ADARB2: variants seen among roughly 807,000 people sequenced by gnomAD.
ADARB2 encodes the protein inactive double-stranded RNA-specific editase B2.
ADARB2 carries 25 observed loss-of-function variants against 62.2 expected under a neutral mutation model. The observed-to-expected ratio is 0.40, with a 90% CI of 0.29 to 0.56. The LOEUF (loss-of-function observed/expected upper bound fraction) is 0.56, where lower values mean the gene tolerates loss of function less well. ADARB2 is among the 20% of genes least tolerant of loss of function. The pLI, the probability that ADARB2 is intolerant of heterozygous loss-of-function variation, is 0.43. For synonymous variants in ADARB2, 572 were observed against 500.8 expected (o/e 1.14, Z -1.90); for missense variants, 1,071 against 1,077.4 (o/e 0.99, Z 0.08).
At chr10:1,520,403 T>C (rs1198673762) in intron 1 of ADARB2, among the ~76,000 whole-genome samples, 5 of 152,244 alleles carry the variant, frequency 3.3e-5, no homozygotes, top group African/African-American at 2.4e-5. Flanking sequence ...CTTTTCACTT[T>C]CATTTTTAAT....
chr10:1,397,854 C>T (rs1832628293), intron 1 of ADARB2, among the ~76,000 whole-genome samples: 1 of 110,012 alleles, frequency 9.1e-6, no homozygotes, highest in Non-Finnish European at 1.9e-5. Flanking sequence ...CTCTCCCCTC[C>T]CGAGTGGAGG....
At chr10:1,289,789 G>T (rs1244502508) in intron 3 of ADARB2, among the ~76,000 whole-genome samples, 1 of 152,374 alleles carries the variant, frequency 6.6e-6, no homozygotes, top group Non-Finnish European at 1.5e-5. Context: ...TCCACGGTGG[G>T]TGTGCCACAG....
chr10:1,459,302 C>T (rs546885415), intron 1 of ADARB2, among the ~76,000 whole-genome samples: 9 of 152,340 alleles, frequency 5.9e-5, no homozygotes, highest in African/African-American at 1.4e-4. Flanking sequence ...AGACTGGATA[C>T]GGAACATGTG....
At chr10:1,445,730 T>C (rs1437562842) in intron 1 of ADARB2, among the ~76,000 whole-genome samples, 3 of 152,132 alleles carry the variant, frequency 2.0e-5, no homozygotes, top group Non-Finnish European at 4.4e-5. Context: ...ATAAGAACAG[T>C]AGTGGTCAAA....
At position 1,559,045 on chromosome 10, in the gene ADARB2, G is replaced by A. The variant is rs373446128; in HGVS notation, c.100+178006C>T. 5.3e-5 allele frequency among the ~76,000 whole-genome samples: 8 copies of A among 152,264 alleles called. No individual in the cohort carries two copies. In the South Asian group the frequency reaches 8.3e-4, roughly 16 times the overall value. On this transcript the variant is annotated intron_variant, in intron 1 of 9. Coordinates refer to ENST00000381312, the MANE Select transcript of ADARB2 (RefSeq NM_018702.4). ...GAAAGGCGGATAAAGTCTCTCAATC[G>A]CATCCCCAGTGCTGAGACAGTCCAC...
rs920092154 is a variant in ADARB2 at position 1,217,425 on chromosome 10, G to A, written c.1514-306C>T. Among the ~76,000 whole-genome samples, 87 of 152,336 alleles carry A rather than the reference G, an allele frequency of 5.7e-4. 1 individual carries two copies. The highest frequency in any genetic ancestry group is 1.9e-3 in the African/African-American group (81 of 41,580). On this transcript the variant is annotated intron_variant, in intron 6 of 9. Transcript: ENST00000381312. ...CGTGAGTGCAGCCACGGCCTGGACC[G>A]TGCTCAGGCCAGTAAGGGGCCACCG...
rs964166308 is a variant in ADARB2 at position 1,619,256 on chromosome 10, A to G, written c.100+117795T>C. On this transcript the variant is annotated intron_variant, in intron 1 of 9. Transcript: ENST00000381312. ...TAGCTACATGCTGTCTACAAGATAC[A>G]TTTTAGAATCAAAGACACAAATACA... 5.9e-5 allele frequency among the ~76,000 whole-genome samples: 9 copies of G among 151,452 alleles called. No individual in the cohort carries two copies. The South Asian group carries it at 1.5e-3, about 25-fold the overall frequency.
chr10:1,667,449 T>G (rs566708897), intron 1 of ADARB2, among the ~76,000 whole-genome samples: 5 of 152,238 alleles, frequency 3.3e-5, no homozygotes, highest in African/African-American at 1.2e-4. Flanking sequence ...TAAATATGTT[T>G]GCTAATGAGA....
intron 1 of ADARB2, among the ~76,000 whole-genome samples, chr10:1,513,870 T>C (rs1476050155): frequency 6.6e-6 from 1 of 152,118 alleles, no homozygotes; most frequent in Non-Finnish European, 1.5e-5. Context: ...GAGCTCTGTT[T>C]ACCCTGTTCT....
At chr10:1,546,766 C>T (rs751484781) in intron 1 of ADARB2, among the ~76,000 whole-genome samples, 4 of 152,246 alleles carry the variant, frequency 2.6e-5, no homozygotes, top group Non-Finnish European at 4.4e-5. Context: ...GGCTGCAGAA[C>T]CCATTACCCA....
chr10:1,726,289 T>C (rs1426219110), intron 1 of ADARB2, among the ~76,000 whole-genome samples: 1 of 152,228 alleles, frequency 6.6e-6, no homozygotes, highest in East Asian at 1.9e-4. Flanking sequence ...TTCTAGGTGA[T>C]AGATGACAGA....
intron 3 of ADARB2, chr10:1,291,997 C>T (rs141130371): frequency 6.6e-6 from 1 of 152,540 alleles, no homozygotes; most frequent in East Asian, 1.9e-4. Context: ...TTACCAATTC[C>T]AGTGGGGCTG....
chr10:1,270,528 C>T (rs1831251066), intron 4 of ADARB2, among the ~76,000 whole-genome samples: 1 of 152,226 alleles, frequency 6.6e-6, no homozygotes, highest in Non-Finnish European at 1.5e-5. Context: ...AGGACGCCTT[C>T]TTGGCTCTCA....
At chr10:1,530,732 G>A (rs754336243) in intron 1 of ADARB2, among the ~76,000 whole-genome samples, 7 of 152,164 alleles carry the variant, frequency 4.6e-5, no homozygotes, top group African/African-American at 1.2e-4. Flanking sequence ...CCCTGCTCAC[G>A]GCATCTCTGG....
At chr10:1,296,667 T>G (rs1240045103) in intron 3 of ADARB2, among the ~76,000 whole-genome samples, 1 of 152,140 alleles carries the variant, frequency 6.6e-6, no homozygotes, top group African/African-American at 2.4e-5. Flanking sequence ...TTAGCATCTT[T>G]CTATCCACAA....
In ADARB2 at chr10:1,363,166, G is replaced by A. The variant is rs1832277039; in HGVS notation, c.939C>T (p.Asp313=). The A allele has an allele frequency of 3.9e-6, 6 of 1,538,362 alleles. No homozygotes were observed. Among genetic ancestry groups the A allele is most frequent in the East Asian group, 2.6e-5 (1 of 37,788 alleles). The change falls in exon 3 of 10, where the codon GAC becomes GAT. Residue 313 remains aspartate, a synonymous_variant. Coordinates refer to ENST00000381312, the MANE Select transcript of ADARB2 (RefSeq NM_018702.4). ...GCCCCGAGCCCTCGAACGTCCTGCC[G>A]TCCACGCTCACGGCCATCACGAAGC... ...ARSFVMAVSV[D]GRTFEGSGRS... is the part of the protein sequence containing the mutation.
intron 3 of ADARB2, among the ~76,000 whole-genome samples, chr10:1,322,175 G>A (rs1831801617): frequency 6.6e-6 from 1 of 152,196 alleles, no homozygotes; most frequent in Admixed American, 6.5e-5. Flanking sequence ...TTGGTGAGAG[G>A]TGATGGGAGA....
At chr10:1,709,477 G>C (rs1834927203) in intron 1 of ADARB2, among the ~76,000 whole-genome samples, 1 of 152,196 alleles carries the variant, frequency 6.6e-6, no homozygotes, top group African/African-American at 2.4e-5. Flanking sequence ...AGCAAGGTTT[G>C]TGCAATGTTT....
chr10:1,504,072 G>T (rs555126086), intron 1 of ADARB2, among the ~76,000 whole-genome samples: 9 of 152,278 alleles, frequency 5.9e-5, no homozygotes, highest in African/African-American at 2.2e-4. Flanking sequence ...CCTTCACTCT[G>T]CCAGTATTTC....
Sources: gnomAD v4.1 joint callset for allele counts (sites outside exome capture counted in the v4.1 genomes callset) on GRCh38, gnomAD v4.1.1 for gene constraint, MANE v1.5 for transcripts, NCBI Gene and HGNC (gene_info 2026-07-23, HGNC 2026-07-21) for gene names.